Variants in VIT observed in about 807,000 individuals in gnomAD.
VIT encodes the protein vitrin.
A neutral mutation model predicts 78.0 loss-of-function variants in VIT; 99 were observed. That is an observed-to-expected ratio of 1.27 (90% CI 1.08 to 1.50). The LOEUF (loss-of-function observed/expected upper bound fraction) is 1.50. Ranked by LOEUF, VIT falls within the 40% of genes most tolerant of loss-of-function variation. VIT has a pLI of 0.00. For synonymous variants in VIT, 374 were observed against 334.3 expected (o/e 1.12, Z -1.29); for missense variants, 1,126 against 875.3 (o/e 1.29, Z -3.61).
chr2:36,740,653 T>C (rs1399423806), intron 3 of VIT, among the ~76,000 whole-genome samples: 1 of 152,106 alleles, frequency 6.6e-6, no homozygotes, highest in Non-Finnish European at 1.5e-5. Context: ...TTTGCTAATC[T>C]GGTTAGGTGC....
Position 36,699,663 on chromosome 2 carries a change from TA to T in VIT, c.-19+2691del, listed in dbSNP as rs551469398. 2.1e-3 allele frequency among the ~76,000 whole-genome samples: 314 copies of T among 152,070 alleles called. 2 individuals carry two copies. Among genetic ancestry groups the T allele is most frequent in the African/African-American group, 6.7e-3 (279 of 41,440 alleles). On this transcript the variant is annotated intron_variant, in intron 1 of 15. Transcript: ENST00000379242. ...ATAGATAGATAGATAGATAGATAGA[TA>T]GATATGCACACACATATACATAGTG...
chr2:36,729,620 A>T, intron 3 of VIT, 129 bp downstream of exon 3: 1 of 898,508 alleles, frequency 1.1e-6, no homozygotes, highest in Non-Finnish European at 1.7e-6. Context: ...TTCCACTCAG[A>T]TTAATTAGTG....
intron 1 of VIT, among the ~76,000 whole-genome samples, chr2:36,705,013 G>A (rs539421638): frequency 3.9e-5 from 6 of 152,174 alleles, no homozygotes; most frequent in East Asian, 1.9e-4. Context: ...CACAGTAGAC[G>A]GCCCTTTGGC....
chr2:36,773,742 T>A (rs1024136509), intron 7 of VIT, 49 bp from the exon 8 acceptor site: 62 of 1,405,040 alleles, frequency 4.4e-5, no homozygotes, highest in Middle Eastern at 2.0e-4. Flanking sequence ...ATAAATTAAT[T>A]AATTAATTAA....
intron 2 of VIT, among the ~76,000 whole-genome samples, chr2:36,725,185 C>G (rs1666754448): frequency 6.6e-6 from 1 of 152,160 alleles, no homozygotes; most frequent in African/African-American, 2.4e-5. Flanking sequence ...GTCAATTACT[C>G]AGGCCTCAGC....
chr2:36,800,613 G>GCA (rs1399143208), intron 12 of VIT, among the ~76,000 whole-genome samples: 13 of 152,036 alleles, frequency 8.6e-5, no homozygotes, highest in African/African-American at 2.4e-4. Context: ...TGGGTGCGAT[G>GCA]CACACACACC....
At chr2:36,800,752 T>G (rs1375116530) in intron 12 of VIT, among the ~76,000 whole-genome samples, 1 of 152,202 alleles carries the variant, frequency 6.6e-6, no homozygotes, top group Non-Finnish European at 1.5e-5. Flanking sequence ...TTTTCAGTCT[T>G]CAGCAAAATA....
At chr2:36,719,415 A>G (rs1666355833) in intron 2 of VIT, among the ~76,000 whole-genome samples, 1 of 152,242 alleles carries the variant, frequency 6.6e-6, no homozygotes. Flanking sequence ...ATAACATGAT[A>G]TTATATACAG....
intron 1 of VIT, among the ~76,000 whole-genome samples, chr2:36,716,019 C>T (rs113059640): frequency 0.014 from 2,190 of 152,214 alleles, 55 homozygotes; most frequent in African/African-American, 0.05. Flanking sequence ...TTTCTGAATG[C>T]CATAAATGTG....
At chr2:36,765,985 G>A (rs1182964987) in intron 6 of VIT, among the ~76,000 whole-genome samples, 1 of 152,236 alleles carries the variant, frequency 6.6e-6, no homozygotes, top group African/African-American at 2.4e-5. Flanking sequence ...AGCAACAGTG[G>A]GTTGTTCCTT....
chr2:36,726,584 G>A (rs748273017), intron 2 of VIT, among the ~76,000 whole-genome samples: 10 of 152,102 alleles, frequency 6.6e-5, no homozygotes, highest in Non-Finnish European at 1.2e-4. Context: ...GGCTCATGCC[G>A]AGGCAGGTGG....
chr2:36,715,743 T>G (rs567003983), intron 1 of VIT, among the ~76,000 whole-genome samples: 3 of 152,174 alleles, frequency 2.0e-5, no homozygotes, highest in African/African-American at 7.2e-5. Context: ...TTAAATAATA[T>G]GCAGCAAAGT....
chr2:36,738,613 C>G (rs1269684122), intron 3 of VIT, among the ~76,000 whole-genome samples: 1 of 152,098 alleles, frequency 6.6e-6, no homozygotes, highest in Non-Finnish European at 1.5e-5. Flanking sequence ...AGTCCCTGCC[C>G]TCATGAATTT....
chr2:36,719,493 C>G (rs1666361347), intron 2 of VIT, among the ~76,000 whole-genome samples: 1 of 152,042 alleles, frequency 6.6e-6, no homozygotes. Context: ...TTATAGAATA[C>G]AAAATCAACA....
At chr2:36,699,643 T>TAGATAGAC (rs1378874424) in intron 1 of VIT, among the ~76,000 whole-genome samples, 7 of 151,092 alleles carry the variant, frequency 4.6e-5, no homozygotes, top group Non-Finnish European at 1.0e-4. Flanking sequence ...GATAGATAGA[T>TAGATAGAC]AGATAGATAG....
chr2:36,697,969 C>A (rs957934887), intron 1 of VIT, among the ~76,000 whole-genome samples: 1 of 152,154 alleles, frequency 6.6e-6, no homozygotes, highest in African/African-American at 2.4e-5. Context: ...GATGAAAACA[C>A]CCTGCAGCAA....
At chr2:36,702,812 C>G (rs534876403) in intron 1 of VIT, among the ~76,000 whole-genome samples, 21 of 152,284 alleles carry the variant, frequency 1.4e-4, no homozygotes, top group African/African-American at 4.3e-4. Flanking sequence ...GATACCCTCC[C>G]CTACTGCGTT....
intron 4 of VIT, among the ~76,000 whole-genome samples, chr2:36,754,160 A>C (rs985495146): frequency 6.6e-6 from 1 of 152,160 alleles, no homozygotes; most frequent in African/African-American, 2.4e-5. Context: ...TTGACTCATC[A>C]GGAAGGTGGG....
intron 1 of VIT, among the ~76,000 whole-genome samples, chr2:36,710,635 T>C (rs7355582): frequency 0.17 from 25,239 of 152,096 alleles, 3,469 homozygotes; most frequent in African/African-American, 0.36. Context: ...AGTGTAATGA[T>C]ATGAATGTAA....
Sources: gnomAD v4.1 joint callset for allele counts (sites outside exome capture counted in the v4.1 genomes callset) on GRCh38, gnomAD v4.1.1 for gene constraint, MANE v1.5 for transcripts, NCBI Gene and HGNC (gene_info 2026-07-23, HGNC 2026-07-21) for gene names.